The following PARD6G variants were observed in gnomAD, a reference collection of about 807,000 sequenced individuals.
PARD6G encodes par-6 family cell polarity regulator gamma.
Under a neutral mutation model 10.7 loss-of-function variants are expected in PARD6G, and 7 were observed. The ratio of observed to expected loss-of-function variants is 0.66; its 90% CI spans 0.37 to 1.23. The LOEUF is 1.23. Ranked by LOEUF, PARD6G falls within the 50% of genes most tolerant of loss-of-function variation. The pLI is 0.02. For synonymous variants in PARD6G, 287 were observed against 269.4 expected, an observed-to-expected ratio of 1.07 and a Z score of -0.64; for missense variants, 548 against 571.8, an observed-to-expected ratio of 0.96 and a Z score of 0.42.
chr18:80,185,869 T>C (rs1306031681), intron 2 of PARD6G, among the ~76,000 whole-genome samples: 4 of 103,858 alleles, frequency 3.9e-5, no homozygotes, highest in African/African-American at 1.5e-4. Context: ...CTCTCGCATA[T>C]ACTGTCACAT....
chr18:80,177,233 C>G (rs1264956945), intron 2 of PARD6G, among the ~76,000 whole-genome samples: 1 of 147,340 alleles, frequency 6.8e-6, no homozygotes, highest in Non-Finnish European at 1.5e-5. Context: ...CACACACACA[C>G]ACACACACAC....
chr18:80,201,622 A>G lies in PARD6G; in HGVS notation c.295+1088T>C, dbSNP rs142882032. 9.3e-3 allele frequency among the ~76,000 whole-genome samples: 1,410 copies of G among 152,322 alleles called. 26 individuals are homozygous for G. Among genetic ancestry groups the G allele is most frequent in the African/African-American group, 0.032 (1,345 of 41,570 alleles). On this transcript the variant is annotated intron_variant, in intron 2 of 2. Coordinates refer to ENST00000353265, the MANE Select transcript of PARD6G (RefSeq NM_032510.4). The surrounding 1 kb of genome is among the most constrained non-coding windows in gnomAD (Gnocchi z 5.9). ...AGAGAATCTGTCTGAAGTGAGGTCA[A>G]CGAGTCTCCTGCCGTTCCCTTCATC...
chr18:80,161,022 T>G lies in PARD6G; in HGVS notation c.296-416A>C, dbSNP rs2052697483. 6.6e-6 allele frequency among the ~76,000 whole-genome samples: 1 copy of G among 152,214 alleles called. No individual in the cohort carries two copies. The highest frequency in any genetic ancestry group is 6.5e-5 in the Admixed American group (1 of 15,286). ...CTCAACTGTAAGACGGAGGCTCGTTTTTTTCTAAGGTTAATTACAACTAAG... is the reference window on the plus strand; with the variant it reads ...CTCAACTGTAAGACGGAGGCTCGTTGTTTTCTAAGGTTAATTACAACTAAG... On this transcript the variant is annotated intron_variant, in intron 2 of 2. Transcript: ENST00000353265. The surrounding 1 kb of genome is among the most constrained non-coding windows in gnomAD (Gnocchi z 4.6).
intron 1 of PARD6G, among the ~76,000 whole-genome samples, chr18:80,206,351 C>T (rs1230205262): frequency 6.6e-6 from 1 of 152,050 alleles, no homozygotes; most frequent in Non-Finnish European, 1.5e-5. Context: ...ATTTTTATTT[C>T]CCCATGATAT....
chr18:80,210,799 A>T (rs981588778), intron 1 of PARD6G, among the ~76,000 whole-genome samples: 1 of 152,242 alleles, frequency 6.6e-6, no homozygotes, highest in Non-Finnish European at 1.5e-5. Context: ...ATTTACTTTA[A>T]TGAACTTACA....
chr18:80,203,701 C>T (rs115188227), intron 1 of PARD6G, among the ~76,000 whole-genome samples: 178 of 152,206 alleles, frequency 1.2e-3, no homozygotes, highest in African/African-American at 4.1e-3. Context: ...CAGGAGAGGA[C>T]GCAAGGCCGG....
intron 1 of PARD6G, among the ~76,000 whole-genome samples, chr18:80,206,049 A>T (rs1967050806): frequency 6.6e-6 from 1 of 152,222 alleles, no homozygotes; most frequent in Admixed American, 6.5e-5. Flanking sequence ...TTCAGTCTTA[A>T]CTTTATTTAG....
At chr18:80,223,583 G>T (rs528125094) in intron 1 of PARD6G, among the ~76,000 whole-genome samples, 2 of 152,316 alleles carry the variant, frequency 1.3e-5, no homozygotes, top group South Asian at 4.1e-4. Flanking sequence ...ATAAGAACGT[G>T]TGGGAATCTT....
intron 1 of PARD6G, among the ~76,000 whole-genome samples, chr18:80,222,068 A>G (rs937463818): frequency 6.6e-6 from 1 of 152,076 alleles, no homozygotes; most frequent in East Asian, 1.9e-4. Context: ...CTCATGGATT[A>G]GAAAACTTAA....
At chr18:80,242,753 G>A (rs1014248596) in intron 1 of PARD6G, among the ~76,000 whole-genome samples, 5 of 152,132 alleles carry the variant, frequency 3.3e-5, no homozygotes, top group Admixed American at 2.0e-4. Flanking sequence ...GACAAAACCA[G>A]GCAGTTGAAA....
At position 80,160,128 on chromosome 18, in the gene PARD6G, G is replaced by A. The variant is rs144233998; in HGVS notation, c.774C>T (p.Arg258=). The A allele has an allele frequency of 1.5e-5, 24 of 1,612,404 alleles. No homozygotes were observed. The highest frequency in any genetic ancestry group is 1.6e-4 in the Middle Eastern group (1 of 6,078). Residue 258 remains arginine, a synonymous_variant, in exon 3 of 3, where the codon CGC becomes CGT. Transcript: ENST00000353265. ...CCGAGCTGCCCAACGCGCGGCCGCC[G>A]CGCACCACGTTGTTGCGCTGGTTGG... ...KPANQRNNVV[R]GGRALGSSGP... is the part of the protein sequence containing the mutation.
chr18:80,184,021 G>C lies in PARD6G; in HGVS notation c.295+18689C>G, dbSNP rs1173901179. On this transcript the variant is annotated intron_variant, in intron 2 of 2. Coordinates refer to ENST00000353265, the MANE Select transcript of PARD6G (RefSeq NM_032510.4). This position sits in a 1 kb window ranked among gnomAD's most constrained non-coding sequence, Gnocchi z 4.5. ...TATATGTTAGCGGTCAAAGAACTCT[G>C]TTTTTCTTGGTCCAAACCAGAGGAA... is the stretch of plus-strand genomic sequence containing the variant. The C allele has an allele frequency of 6.6e-6, 1 of 152,130 alleles. No individual in the cohort carries two copies. Among genetic ancestry groups the C allele is most frequent in the Non-Finnish European group, 1.5e-5 (1 of 68,018 alleles). 9.4% of individuals were successfully genotyped at this position (152,130 alleles called of 1,614,324 possible). A position where few individuals can be genotyped will look rare whatever the true frequency, so the allele number is the denominator to read the frequency against.
At position 80,158,958 on chromosome 18, in the gene PARD6G, T is replaced by C. The variant is rs924711502; in HGVS notation, c.*813A>G. Reference sequence around the variant, plus strand: ...GAACAGTGTGAAAATCTGGAATTCATCTCCATGGTTGTACATGGACAGGTT... The same window carrying C: ...GAACAGTGTGAAAATCTGGAATTCACCTCCATGGTTGTACATGGACAGGTT... On this transcript the variant is annotated 3_prime_UTR_variant, in exon 3 of 3. Transcript: ENST00000353265. The C allele has an allele frequency of 6.6e-6, 1 of 151,466 alleles. No individual in the cohort carries two copies. Among genetic ancestry groups the C allele is most frequent in the African/African-American group, 2.4e-5 (1 of 41,270 alleles). 9.4% of individuals were successfully genotyped at this position (151,466 alleles called of 1,614,324 possible). A position where few individuals can be genotyped will look rare whatever the true frequency, so the allele number is the denominator to read the frequency against.
chr18:80,229,242 G>T (rs528667630), intron 1 of PARD6G, among the ~76,000 whole-genome samples: 2 of 152,324 alleles, frequency 1.3e-5, no homozygotes, highest in Non-Finnish European at 1.5e-5. Context: ...TTGGCCAGAA[G>T]TGGTATTTGA....
chr18:80,161,129 T>C lies in PARD6G; in HGVS notation c.296-523A>G, dbSNP rs968187133. ...AGCCAGCATTCAAGGCCCCTGAATG[T>C]GTCACTCAGTCGGGCGTGTGAGCAT... On this transcript the variant is annotated intron_variant, in intron 2 of 2. Coordinates refer to ENST00000353265, the MANE Select transcript of PARD6G (RefSeq NM_032510.4). This position sits in a 1 kb window ranked among gnomAD's most constrained non-coding sequence, Gnocchi z 4.6. Among the ~76,000 whole-genome samples the C allele has an allele frequency of 2.0e-5, 3 of 152,174 alleles. No homozygotes were observed. The highest frequency in any genetic ancestry group is 7.2e-5 in the African/African-American group (3 of 41,452).
In PARD6G at chr18:80,226,151, G is replaced by GTTTTT. The variant is rs10606939; in HGVS notation, c.72+21121_72+21125dup. Among the ~76,000 whole-genome samples the GTTTTT allele has an allele frequency of 5.1e-4, 39 of 76,572 alleles. 1 individual carries two copies. Among genetic ancestry groups the GTTTTT allele is most frequent in the African/African-American group, 1.5e-3 (27 of 18,530 alleles). 50.2% of individuals were successfully genotyped at this position (76,572 alleles called of 152,430 possible). Reference sequence around the variant, plus strand: ...TCCCCACAGGTAACCAATGACTTCAGTTTTTTTTTTTTTTTTTTTTTTTTT... The same window carrying GTTTTT: ...TCCCCACAGGTAACCAATGACTTCAGTTTTTTTTTTTTTTTTTTTTTTTTTTTTTT... On this transcript the variant is annotated intron_variant, in intron 1 of 2. Transcript: ENST00000353265.
chr18:80,186,380 C>CATGCA (rs1414996039), intron 2 of PARD6G, among the ~76,000 whole-genome samples: 2 of 135,554 alleles, frequency 1.5e-5, no homozygotes, highest in African/African-American at 6.4e-5. Flanking sequence ...CCCACACATG[C>CATGCA]TCGCACACCC....
intron 2 of PARD6G, among the ~76,000 whole-genome samples, chr18:80,167,221 G>T (rs1020983832): frequency 6.6e-6 from 1 of 151,566 alleles, no homozygotes; most frequent in Admixed American, 6.6e-5. Flanking sequence ...GCAGTGTTGT[G>T]TGTGGACCTG....
rs374220343 is a variant in PARD6G, at chr18:80,197,145, C to T, written c.295+5565G>A. 1.2e-4 allele frequency among the ~76,000 whole-genome samples: 19 copies of T among 152,262 alleles called. No homozygotes were observed. In the East Asian group the frequency reaches 1.5e-3, roughly 12 times the overall value. On this transcript the variant is annotated intron_variant, in intron 2 of 2. Transcript: ENST00000353265. ...TCCGAGGAAAGAGACTACAATGGGG[C>T]GTGGAATGCAGAAATTGAATTCTGA...
Sources: allele counts gnomAD v4.1 joint callset (sites outside exome capture counted in the v4.1 genomes callset), GRCh38; gene constraint gnomAD v4.1.1; non-coding constraint Gnocchi (gnomAD v3.1); transcripts MANE v1.5; gene names NCBI Gene and HGNC (gene_info 2026-07-23, HGNC 2026-07-21).